The following WWOX variants were observed in gnomAD, a reference collection of about 807,000 sequenced individuals.
WWOX encodes WW domain-containing oxidoreductase.
In WWOX, 69 loss-of-function variants were observed where a neutral mutation model predicts 46.2. That is an observed-to-expected ratio of 1.49 (90% CI 1.23 to 1.82). The LOEUF is 1.82. Among genes scored for constraint, WWOX ranks in the 40% most tolerant of loss-of-function variants. WWOX has a pLI of 0.00. For synonymous variants in WWOX, 359 were observed against 202.6 expected (o/e 1.77, Z -6.56); for missense variants, 919 against 542.6 (o/e 1.69, Z -6.89).
chr16:78,904,829 CTTAA>C (rs1464474295), intron 8 of WWOX, among the ~76,000 whole-genome samples: 3 of 152,124 alleles, frequency 2.0e-5, no homozygotes, highest in Admixed American at 1.3e-4. Context: ...CTGAATATTT[CTTAA>C]TTAAGTGCAG....
chr16:78,910,953 A>G (rs906188028), intron 8 of WWOX, among the ~76,000 whole-genome samples: 2 of 152,088 alleles, frequency 1.3e-5, no homozygotes, highest in African/African-American at 2.4e-5. Context: ...TCATGTTTAC[A>G]TATTTCAAAA....
At chr16:78,460,932 C>T (rs888879901) in intron 8 of WWOX, among the ~76,000 whole-genome samples, 3 of 152,142 alleles carry the variant, frequency 2.0e-5, no homozygotes, top group African/African-American at 7.2e-5. Flanking sequence ...CTCCAGATAT[C>T]AGTAGTGACA....
chr16:79,096,508 T>C (rs2049077323), intron 8 of WWOX, among the ~76,000 whole-genome samples: 1 of 152,158 alleles, frequency 6.6e-6, no homozygotes, highest in Admixed American at 6.5e-5. Flanking sequence ...CTTCAACAGC[T>C]ACAGGGCTGG....
At chr16:79,083,205 T>C (rs1458152094) in intron 8 of WWOX, among the ~76,000 whole-genome samples, 1 of 152,176 alleles carries the variant, frequency 6.6e-6, no homozygotes, top group African/African-American at 2.4e-5. Context: ...AGGGGCACTT[T>C]GCTGCCTCCT....
At chr16:78,422,127 T>C (rs1417347359) in intron 6 of WWOX, among the ~76,000 whole-genome samples, 2 of 152,234 alleles carry the variant, frequency 1.3e-5, no homozygotes, top group Admixed American at 1.3e-4. Context: ...TGCCACTGTT[T>C]CTGTTAGACT....
chr16:78,820,274 G>C (rs1156994193), intron 8 of WWOX, among the ~76,000 whole-genome samples: 3 of 152,194 alleles, frequency 2.0e-5, no homozygotes, highest in Non-Finnish European at 2.9e-5. Context: ...TGCAGTACCA[G>C]AATGTCCTTT....
chr16:78,747,230 C>T (rs1255327941), intron 8 of WWOX, among the ~76,000 whole-genome samples: 4 of 141,626 alleles, frequency 2.8e-5, no homozygotes, highest in Non-Finnish European at 6.0e-5. Flanking sequence ...TCGCTCTTGT[C>T]ATGCAGGCTG....
rs77110754 is a variant in WWOX at position 78,647,699 on chromosome 16, C to T, written c.1056+214947C>T. Among the ~76,000 whole-genome samples, 556 of 152,308 alleles carry T rather than the reference C, an allele frequency of 3.7e-3. 6 individuals carry two copies. The highest frequency in any genetic ancestry group is 0.012 in the African/African-American group (516 of 41,568). ...CCTTCTTATACCTCAAAATAGTCTGCAGGGTGACTCAGAAGCTCCTGGCTG... is the reference window on the plus strand; with the variant it reads ...CCTTCTTATACCTCAAAATAGTCTGTAGGGTGACTCAGAAGCTCCTGGCTG... On this transcript the variant is annotated intron_variant, in intron 8 of 8. Transcript: ENST00000566780.
At chr16:79,102,123 A>G (rs2049212566) in intron 8 of WWOX, among the ~76,000 whole-genome samples, 1 of 150,744 alleles carries the variant, frequency 6.6e-6, no homozygotes, top group Non-Finnish European at 1.5e-5. Flanking sequence ...CTGAGGCCGG[A>G]AGCAAAACAA....
At chr16:78,837,709 C>T (rs892111471) in intron 8 of WWOX, among the ~76,000 whole-genome samples, 32 of 152,072 alleles carry the variant, frequency 2.1e-4, no homozygotes, top group African/African-American at 7.2e-4. Flanking sequence ...ATTAGAAATC[C>T]AAGTGAATTT....
In WWOX at chr16:78,340,568, G is replaced by C. The variant is rs1469027619; in HGVS notation, c.517-46292G>C. 1.7e-5 allele frequency among the ~76,000 whole-genome samples: 2 copies of C among 120,228 alleles called. 1 individual carries two copies. Among genetic ancestry groups the C allele is most frequent in the African/African-American group, 5.6e-5 (2 of 35,508 alleles). The allele number at this position is 120,228 out of a possible 152,430, so 78.9% of individuals were successfully genotyped here. ...GTGGATGTCTGTTTCTATCTAAGTA[G>C]AATTCAAAGTTACTGCTGCCAACTC... On this transcript the variant is annotated intron_variant, in intron 5 of 8. Transcript: ENST00000566780.
rs547944792 is a variant in WWOX at position 78,284,511 on chromosome 16, A to G, written c.517-102349A>G. Among the ~76,000 whole-genome samples, 176 of 152,284 alleles carry G rather than the reference A, an allele frequency of 1.2e-3. 1 individual carries two copies. Among genetic ancestry groups the G allele is most frequent in the Non-Finnish European group, 2.0e-3 (138 of 68,020 alleles). ...GGAAATGTGTTGTTTGAGATGAACC[A>G]TCGTTTCAAATGTCACTTACTTCTT... On this transcript the variant is annotated intron_variant, in intron 5 of 8. Transcript: ENST00000566780.
At chr16:79,029,179 T>C (rs972137922) in intron 8 of WWOX, among the ~76,000 whole-genome samples, 1 of 152,168 alleles carries the variant, frequency 6.6e-6, no homozygotes, top group Non-Finnish European at 1.5e-5. Context: ...GGCCCCAGGC[T>C]GGGACTTTGG....
At chr16:78,338,922 T>A (rs2080952439) in intron 5 of WWOX, among the ~76,000 whole-genome samples, 1 of 121,154 alleles carries the variant, frequency 8.3e-6, no homozygotes, top group Admixed American at 8.1e-5. Flanking sequence ...AGCATCAACT[T>A]CTTCTTCATT....
intron 5 of WWOX, among the ~76,000 whole-genome samples, chr16:78,282,795 T>A (rs1473377463): frequency 6.7e-6 from 1 of 149,478 alleles, no homozygotes; most frequent in Non-Finnish European, 1.5e-5. Flanking sequence ...GGAGAATCGC[T>A]TGAACCTCGG....
At chr16:78,803,197 T>C (rs980061645) in intron 8 of WWOX, among the ~76,000 whole-genome samples, 77 of 151,820 alleles carry the variant, frequency 5.1e-4, no homozygotes, top group Non-Finnish European at 1.0e-4. Context: ...ACAAACCACA[T>C]AGGTTCTTCC....
intron 8 of WWOX, among the ~76,000 whole-genome samples, chr16:79,031,545 C>A (rs996436903): frequency 6.6e-6 from 1 of 152,006 alleles, no homozygotes; most frequent in African/African-American, 2.4e-5. Flanking sequence ...CTACACCCCC[C>A]TGTGGATGTG....
chr16:78,820,538 G>T (rs576525400), intron 8 of WWOX, among the ~76,000 whole-genome samples: 2 of 152,252 alleles, frequency 1.3e-5, no homozygotes. Flanking sequence ...AATTTAGGTG[G>T]TTTTTATTGG....
At chr16:78,126,178 C>G (rs1367883289) in intron 4 of WWOX, among the ~76,000 whole-genome samples, 1 of 152,120 alleles carries the variant, frequency 6.6e-6, no homozygotes, top group African/African-American at 2.4e-5. Flanking sequence ...TGGTTTCCAG[C>G]TTTTTAATAG....
Sources: allele counts gnomAD v4.1 joint callset (sites outside exome capture counted in the v4.1 genomes callset), GRCh38; gene constraint gnomAD v4.1.1; transcripts MANE v1.5; gene names NCBI Gene and HGNC (gene_info 2026-07-23, HGNC 2026-07-21).